The following RBMS3 variants were observed in gnomAD, a reference collection of about 807,000 sequenced individuals.
RBMS3 encodes the protein RNA binding motif single stranded interacting protein 3, also known as RNA-binding motif, single-stranded-interacting protein 3.
RBMS3 carries 27 observed loss-of-function variants against 66.8 expected under a neutral mutation model. The observed-to-expected ratio is 0.40, with a 90% CI of 0.30 to 0.56. The LOEUF (loss-of-function observed/expected upper bound fraction) is 0.56, where lower values mean the gene tolerates loss of function less well. RBMS3 is among the 20% of genes least tolerant of loss of function. RBMS3 has a pLI of 0.40. For missense variants in RBMS3, 513 were observed against 549.5 expected (o/e 0.93, Z 0.66); for synonymous variants, 188 against 183.0 (o/e 1.03, Z -0.22).
At chr3:29,598,327 A>G (rs1255670604) in intron 4 of RBMS3, among the ~76,000 whole-genome samples, 1 of 152,080 alleles carries the variant, frequency 6.6e-6, no homozygotes, top group African/African-American at 2.4e-5. Flanking sequence ...TTCCCGAGGA[A>G]GCCACTCCCA....
At chr3:29,716,920 C>T (rs1333015143) in intron 4 of RBMS3, among the ~76,000 whole-genome samples, 2 of 128,758 alleles carry the variant, frequency 1.6e-5, no homozygotes. Context: ...TACATGCATA[C>T]GTATTACACA....
At chr3:29,734,214 A>G (rs1311810155) in intron 4 of RBMS3, among the ~76,000 whole-genome samples, 1 of 152,130 alleles carries the variant, frequency 6.6e-6, no homozygotes, top group African/African-American at 2.4e-5. Context: ...AGAAGCAGAG[A>G]GTAGAACTAT....
At chr3:29,857,670 C>T (rs760562432) in intron 6 of RBMS3, among the ~76,000 whole-genome samples, 3 of 151,570 alleles carry the variant, frequency 2.0e-5, no homozygotes, top group Non-Finnish European at 4.4e-5. Flanking sequence ...AATTTGATCA[C>T]AGGATATTGA....
chr3:29,462,957 A>G (rs1301010724), intron 2 of RBMS3, among the ~76,000 whole-genome samples: 1 of 152,240 alleles, frequency 6.6e-6, no homozygotes, highest in Non-Finnish European at 1.5e-5. Flanking sequence ...GTTAAGTGTT[A>G]AAAACATAGA....
intron 4 of RBMS3, among the ~76,000 whole-genome samples, chr3:29,648,546 T>G (rs1559535880): frequency 6.6e-6 from 1 of 152,106 alleles, no homozygotes; most frequent in Non-Finnish European, 1.5e-5. Flanking sequence ...GTGCCGAGAT[T>G]ACAGACGTGA....
chr3:29,393,402 C>A (rs759683944), intron 1 of RBMS3, among the ~76,000 whole-genome samples: 1 of 152,064 alleles, frequency 6.6e-6, no homozygotes, highest in Non-Finnish European at 1.5e-5. Flanking sequence ...GCAGCGATGG[C>A]TTAAGAGGTG....
At chr3:29,804,529 T>A (rs997819660) in intron 6 of RBMS3, among the ~76,000 whole-genome samples, 3 of 152,036 alleles carry the variant, frequency 2.0e-5, no homozygotes, top group African/African-American at 7.2e-5. Flanking sequence ...TATGTGCCAA[T>A]CATTGAGATT....
chr3:29,411,585 T>C (rs1328413527), intron 1 of RBMS3, among the ~76,000 whole-genome samples: 1 of 152,228 alleles, frequency 6.6e-6, no homozygotes, highest in Non-Finnish European at 1.5e-5. Flanking sequence ...GTTAAAAATC[T>C]GAGCAGAGTG....
At chr3:29,364,943 A>T (rs918855903) in intron 1 of RBMS3, among the ~76,000 whole-genome samples, 2 of 152,154 alleles carry the variant, frequency 1.3e-5, no homozygotes, top group African/African-American at 4.8e-5. Context: ...GTTTGGTTTG[A>T]AATAGCTCCA....
At chr3:29,921,893 G>A (rs2060790715) in intron 10 of RBMS3, among the ~76,000 whole-genome samples, 1 of 152,118 alleles carries the variant, frequency 6.6e-6, no homozygotes, top group South Asian at 2.1e-4. Flanking sequence ...TGGGGACCCA[G>A]AGCCTCCTGC....
At chr3:29,614,845 T>G (rs1463821898) in intron 4 of RBMS3, 1 of 152,184 alleles carries the variant, frequency 6.6e-6, no homozygotes, top group African/African-American at 2.4e-5. Flanking sequence ...AAAGGGATCC[T>G]ATTCTGTGAA....
chr3:29,432,085 G>T (rs375303583), intron 1 of RBMS3, among the ~76,000 whole-genome samples: 57 of 152,178 alleles, frequency 3.7e-4, no homozygotes, highest in Admixed American at 5.2e-4. Context: ...GGGCATAAAA[G>T]GTGAAACATG....
At chr3:29,391,719 A>G (rs528352811) in intron 1 of RBMS3, among the ~76,000 whole-genome samples, 1 of 152,210 alleles carries the variant, frequency 6.6e-6, no homozygotes, top group Non-Finnish European at 1.5e-5. Flanking sequence ...AGATGTTCAT[A>G]TCAACTTTGC....
intron 11 of RBMS3, among the ~76,000 whole-genome samples, chr3:29,943,662 A>G (rs900675248): frequency 6.6e-6 from 1 of 151,800 alleles, no homozygotes; most frequent in African/African-American, 2.4e-5. Context: ...TTGAGGTGAA[A>G]GCACCTTCCG....
chr3:29,479,044 G>A (rs17724551), intron 2 of RBMS3, among the ~76,000 whole-genome samples: 5,804 of 152,172 alleles, frequency 0.038, 158 homozygotes, highest in Admixed American at 0.096. Context: ...ATACATAGGG[G>A]CAGCATGAAA....
At chr3:29,707,887 GTGA>G in intron 4 of RBMS3, among the ~76,000 whole-genome samples, 1 of 152,284 alleles carries the variant, frequency 6.6e-6, no homozygotes, top group African/African-American at 2.4e-5. Context: ...GTTATATGTT[GTGA>G]TGCTTTCAGT....
intron 3 of RBMS3, among the ~76,000 whole-genome samples, chr3:29,543,776 G>A (rs1365812693): frequency 3.9e-5 from 6 of 152,188 alleles, no homozygotes; most frequent in East Asian, 1.9e-4. Flanking sequence ...AAATGTCACC[G>A]TGCATTGCTT....
intron 4 of RBMS3, chr3:29,616,321 CT>C (rs923160876): frequency 3.3e-5 from 5 of 152,360 alleles, no homozygotes; most frequent in African/African-American, 1.2e-4. Flanking sequence ...CCCGTCTCTA[CT>C]AAAAATACAA....
chr3:29,540,584 G>A (rs1044902760), intron 3 of RBMS3, among the ~76,000 whole-genome samples: 71 of 152,160 alleles, frequency 4.7e-4, no homozygotes, highest in African/African-American at 1.6e-3. Flanking sequence ...CATACATGAT[G>A]TTACTATATT....
Sources: gnomAD v4.1 joint callset for allele counts (sites outside exome capture counted in the v4.1 genomes callset) on GRCh38, gnomAD v4.1.1 for gene constraint, MANE v1.5 for transcripts, NCBI Gene and HGNC (gene_info 2026-07-23, HGNC 2026-07-21) for gene names.